The following UBAP2 variants were observed in gnomAD, a reference collection of about 807,000 sequenced individuals.
UBAP2 encodes the protein ubiquitin-associated protein 2.
Under a neutral mutation model 139.6 loss-of-function variants are expected in UBAP2, and 75 were observed. The observed-to-expected ratio is 0.54, with a 90% CI of 0.45 to 0.65. The LOEUF (loss-of-function observed/expected upper bound fraction) is 0.65, where lower values mean the gene tolerates loss of function less well. Ranked by LOEUF, UBAP2 falls within the 30% of genes least tolerant of loss-of-function variation. The pLI, the probability that UBAP2 is intolerant of heterozygous loss-of-function variation, is 0.00. For missense variants in UBAP2, 1,368 were observed against 1,369.6 expected (o/e 1.00, Z 0.02); for synonymous variants, 526 against 526.2 (o/e 1.00, Z 0.01).
intron 15 of UBAP2, 134 bp downstream of exon 15, chr9:33,943,285 TG>T: frequency 1.3e-6 from 1 of 792,866 alleles, no homozygotes; most frequent in Non-Finnish European, 1.9e-6. Flanking sequence ...GCTACAGGTA[TG>T]GGGTTTCTTA....
At chr9:34,024,851 G>C (rs550929025) in intron 1 of UBAP2, among the ~76,000 whole-genome samples, 3 of 152,120 alleles carry the variant, frequency 2.0e-5, no homozygotes, top group African/African-American at 7.2e-5. Context: ...GGGTGTGGTG[G>C]CGTGAGCCTG....
chr9:34,032,376 T>A (rs1454004945), intron 1 of UBAP2, among the ~76,000 whole-genome samples: 4 of 152,050 alleles, frequency 2.6e-5, no homozygotes, highest in African/African-American at 9.7e-5. Flanking sequence ...ACACTCACAC[T>A]CCCTCTGCCC....
At chr9:33,957,584 T>A (rs1204984108) in intron 10 of UBAP2, among the ~76,000 whole-genome samples, 1 of 152,224 alleles carries the variant, frequency 6.6e-6, no homozygotes, top group Non-Finnish European at 1.5e-5. Context: ...TAACTCACTT[T>A]TAGGGCATTC....
At chr9:33,997,205 T>A (rs570591987) in intron 3 of UBAP2, 2 of 152,344 alleles carry the variant, frequency 1.3e-5, no homozygotes, top group African/African-American at 4.8e-5. Flanking sequence ...AAGAAACTCT[T>A]CAGTTTATTC....
rs747125190 is a variant in UBAP2, at chr9:33,956,152, T to TG, written c.799-7dup. 3 of 1,612,608 alleles carry TG rather than the reference T, an allele frequency of 1.9e-6. No homozygotes were observed. The highest frequency in any genetic ancestry group is 2.5e-6 in the Non-Finnish European group (3 of 1,179,064). Reference sequence around the variant, plus strand: ...AAGACCTTTGTTTCAGAAAGCTGTATGGAAAGTTGAAAAATTTAATCTTAT... The same window carrying TG: ...AAGACCTTTGTTTCAGAAAGCTGTATGGGAAAGTTGAAAAATTTAATCTTAT... On this transcript the variant is annotated splice_polypyrimidine_tract_variant and splice_region_variant and intron_variant, in intron 10 of 28. Transcript: ENST00000379238.
chr9:33,963,777 T>TA lies in UBAP2; in HGVS notation c.693dup (p.Thr232TyrfsTer34). The TA allele has an allele frequency of 1.9e-6, 3 of 1,612,418 alleles. No homozygotes were observed. Among genetic ancestry groups the TA allele is most frequent in the Non-Finnish European group, 2.5e-6 (3 of 1,178,664 alleles). ...GACAGATCCTGAGCTATGTTGTGAG[T>TA]ATTTGATGCCAGTTCTGTGGACCAA... On this transcript the variant is annotated frameshift_variant, in exon 9 of 29. Coordinates refer to ENST00000379238, the MANE Select transcript of UBAP2 (RefSeq NM_001370062.2). LOFTEE classifies it high-confidence loss of function.
Position 33,941,870 on chromosome 9 carries a change from G to T in UBAP2, c.1716-8C>A. 6.3e-7 allele frequency: 1 copy of T among 1,590,612 alleles called. No individual in the cohort carries two copies. The highest frequency in any genetic ancestry group is 1.1e-5 in the South Asian group (1 of 88,484). ...GATGTATTCAAAGGCTCACTGAAAA[G>T]AGTCAAAAATATTCAACATAATTTT... On this transcript the variant is annotated splice_region_variant and splice_polypyrimidine_tract_variant and intron_variant, in intron 15 of 28. Coordinates refer to ENST00000379238, the MANE Select transcript of UBAP2 (RefSeq NM_001370062.2).
intron 2 of UBAP2, among the ~76,000 whole-genome samples, chr9:34,015,394 C>T (rs1824160921): frequency 6.6e-6 from 1 of 152,166 alleles, no homozygotes; most frequent in South Asian, 2.1e-4. Context: ...TCTTGGCTCA[C>T]TGCAACCTCT....
intron 1 of UBAP2, among the ~76,000 whole-genome samples, chr9:34,025,828 C>T (rs1825355234): frequency 6.6e-6 from 1 of 152,154 alleles, no homozygotes; most frequent in Non-Finnish European, 1.5e-5. Flanking sequence ...GATCCTCCCA[C>T]CTTGGCCTCC....
intron 1 of UBAP2, among the ~76,000 whole-genome samples, chr9:34,044,459 G>A (rs1178737126): frequency 6.6e-6 from 1 of 152,008 alleles, no homozygotes; most frequent in African/African-American, 2.4e-5. Context: ...CAGCTGCTTG[G>A]GAAGTTGAGG....
chr9:33,924,140 T>TTC lies in UBAP2; in HGVS notation c.2590+64_2590+65dup. 13 of 1,597,832 alleles carry TTC rather than the reference T, an allele frequency of 8.1e-6. No homozygotes were observed. The South Asian group carries it at 1.4e-4, about 18-fold the overall frequency. On this transcript the variant is annotated intron_variant, in intron 23 of 28. Transcript: ENST00000379238. ...GCCTCTCTCAGCTTGCTGTTGCTGCTTCCCAGCTCCTGGAGTTCGCGCTAG... is the reference window on the plus strand; with the variant it reads ...GCCTCTCTCAGCTTGCTGTTGCTGCTTCTCCCAGCTCCTGGAGTTCGCGCTAG...
chr9:34,010,427 TAAAAAAAAAAA>T (rs57695373), intron 2 of UBAP2, among the ~76,000 whole-genome samples: 2 of 108,342 alleles, frequency 1.8e-5, no homozygotes, highest in African/African-American at 7.0e-5. Flanking sequence ...CTCTGCCTCA[TAAAAAAAAAAA>T]AAAAAAAAAA....
chr9:34,010,134 A>C lies in UBAP2; in HGVS notation c.99+6916T>G, dbSNP rs1271353798. On this transcript the variant is annotated intron_variant, in intron 2 of 28. Coordinates refer to ENST00000379238, the MANE Select transcript of UBAP2 (RefSeq NM_001370062.2). ...AGGTCCTGTCTATTAAAAAAAAAAAAAAAAAACAGCCAGGCACAGTGGCTC... is the reference window on the plus strand; with the variant it reads ...AGGTCCTGTCTATTAAAAAAAAAAACAAAAAACAGCCAGGCACAGTGGCTC... Among the ~76,000 whole-genome samples the C allele has an allele frequency of 3.3e-5, 5 of 149,364 alleles. No individual in the cohort carries two copies. In the East Asian group the frequency reaches 5.9e-4, roughly 18 times the overall value.
At chr9:33,983,176 C>A (rs1185102359) in intron 6 of UBAP2, among the ~76,000 whole-genome samples, 2 of 152,074 alleles carry the variant, frequency 1.3e-5, no homozygotes, top group Non-Finnish European at 2.9e-5. Context: ...CGGTGCCCGG[C>A]CCCCCTATAA....
chr9:33,960,068 TAC>T (rs1353141520), intron 10 of UBAP2, among the ~76,000 whole-genome samples: 3 of 151,932 alleles, frequency 2.0e-5, no homozygotes, highest in Admixed American at 6.6e-5. Flanking sequence ...TAGCTGAGAC[TAC>T]AGATGCACAA....
rs753178288 is a variant in UBAP2, at chr9:34,030,450, A to AAAAC, written c.-41-13265_-41-13262dup. Reference sequence around the variant, plus strand: ...GGCGACAGAGCCAGATTCCATCTCAAAAACAAACAAACAAACAAAAAAACT... The same window carrying AAAAC: ...GGCGACAGAGCCAGATTCCATCTCAAAAACAAACAAACAAACAAACAAAAAAACT... On this transcript the variant is annotated intron_variant, in intron 1 of 28. Coordinates refer to ENST00000379238, the MANE Select transcript of UBAP2 (RefSeq NM_001370062.2). Among the ~76,000 whole-genome samples, 9 of 151,962 alleles carry AAAAC rather than the reference A, an allele frequency of 5.9e-5. No homozygotes were observed. In the South Asian group the frequency reaches 1.3e-3, roughly 21 times the overall value.
At chr9:33,961,672 G>C (rs1277541509) in intron 9 of UBAP2, among the ~76,000 whole-genome samples, 1 of 152,162 alleles carries the variant, frequency 6.6e-6, no homozygotes, top group Non-Finnish European at 1.5e-5. Flanking sequence ...AGGGATTATG[G>C]ATGTTTTCAG....
chr9:33,957,625 T>C (rs1442647347), intron 10 of UBAP2, among the ~76,000 whole-genome samples: 1 of 152,218 alleles, frequency 6.6e-6, no homozygotes, highest in Non-Finnish European at 1.5e-5. Flanking sequence ...TCAACTGACA[T>C]TAATAAAAGA....
intron 4 of UBAP2, 111 bp downstream of exon 4, chr9:33,996,112 G>T: frequency 1.4e-6 from 1 of 723,806 alleles, no homozygotes; most frequent in Non-Finnish European, 2.3e-6. Flanking sequence ...AAACAAATAT[G>T]GAATGGCACC....
Sources: gnomAD v4.1 joint callset for allele counts (sites outside exome capture counted in the v4.1 genomes callset) on GRCh38, gnomAD v4.1.1 for gene constraint, MANE v1.5 for transcripts, NCBI Gene and HGNC (gene_info 2026-07-23, HGNC 2026-07-21) for gene names.